Variants in ESR2 observed in about 807,000 individuals in gnomAD.
The protein encoded by ESR2 is estrogen receptor 2.
In ESR2, 36 loss-of-function variants were observed where a neutral mutation model predicts 49.6. The ratio of observed to expected loss-of-function variants is 0.73; its 90% CI spans 0.56 to 0.96. The LOEUF is 0.96. Among genes scored for constraint, ESR2 ranks in the 40% least tolerant of loss-of-function variants. The probability of loss-of-function intolerance (pLI) is 0.00; values close to 1 mark genes in which losing one functional copy is unlikely to be tolerated. For synonymous variants in ESR2, 320 were observed against 266.1 expected (o/e 1.20, Z -1.97); for missense variants, 714 against 693.0 (o/e 1.03, Z -0.34).
downstream of ESR2, chr14:64,227,943 A>G (rs2098723303): frequency 6.3e-7 from 1 of 1,593,818 alleles, no homozygotes. Flanking sequence ...TAAAGGATAT[A>G]ATTCTAATCA....
In ESR2 at chr14:64,231,849, A is replaced by G. The variant is rs1384719212; in HGVS notation, c.*1288T>C. 1.3e-5 allele frequency: 2 copies of G among 152,222 alleles called. No individual in the cohort carries two copies. Among genetic ancestry groups the G allele is most frequent in the Non-Finnish European group, 2.9e-5 (2 of 68,044 alleles). The allele number at this position is 152,222 out of a possible 1,614,324, so 9.4% of individuals were successfully genotyped here. A position where few individuals can be genotyped will look rare whatever the true frequency, so the allele number is the denominator to read the frequency against. On this transcript the variant is annotated 3_prime_UTR_variant, in exon 9 of 9. Coordinates refer to ENST00000341099, the MANE Select transcript of ESR2 (RefSeq NM_001437.3). ...TTTCACATCTTTTAAAAGGTGAGTT[A>G]AAGTTGTCATTTCAGAGGTGCCCTT...
chr14:64,304,688 G>C (rs577279203), intron 1 of ESR2, among the ~76,000 whole-genome samples: 19 of 152,076 alleles, frequency 1.2e-4, no homozygotes, highest in Non-Finnish European at 2.6e-4. Context: ...GGGCAACATA[G>C]TGAGACCATG....
intron 1 of ESR2, among the ~76,000 whole-genome samples, chr14:64,324,490 C>A (rs1304579845): frequency 6.6e-6 from 1 of 152,094 alleles, no homozygotes; most frequent in Non-Finnish European, 1.5e-5. Context: ...AAAATAACAT[C>A]TATAATTCAG....
intron 1 of ESR2, among the ~76,000 whole-genome samples, chr14:64,323,399 A>C (rs113873288): frequency 0.012 from 1,766 of 151,906 alleles, 38 homozygotes; most frequent in African/African-American, 0.04. Context: ...GTAGAGACAG[A>C]GCTTCACCAT....
At chr14:64,227,750 T>A (rs1198792055), downstream of ESR2, 5 of 1,546,028 alleles carry the variant, frequency 3.2e-6, no homozygotes, top group African/African-American at 6.8e-5. Flanking sequence ...GCTCCCCATC[T>A]CCAGGGAGGC....
At chr14:64,304,934 C>T (rs2077070396) in intron 1 of ESR2, among the ~76,000 whole-genome samples, 1 of 151,984 alleles carries the variant, frequency 6.6e-6, no homozygotes, top group Admixed American at 6.6e-5. Context: ...AAAGTTAAAA[C>T]TGGTTTTAAA....
At chr14:64,265,212 C>T (rs1009437085) in intron 4 of ESR2, among the ~76,000 whole-genome samples, 2 of 152,152 alleles carry the variant, frequency 1.3e-5, no homozygotes, top group Non-Finnish European at 2.9e-5. Flanking sequence ...TGAGCAGCTC[C>T]ACCAAATCGA....
intron 4 of ESR2, among the ~76,000 whole-genome samples, chr14:64,264,500 A>G (rs535597504): frequency 1.0e-3 from 156 of 152,296 alleles, no homozygotes; most frequent in African/African-American, 3.3e-3. Context: ...TCTGGGATAC[A>G]TGTGCAGAAC....
intron 1 of ESR2, chr14:64,303,651 T>C (rs2140870561): frequency 6.6e-6 from 1 of 152,348 alleles, no homozygotes; most frequent in South Asian, 2.1e-4. Context: ...AACAGGTTGA[T>C]GTCTCCCTCT....
intron 3 of ESR2, among the ~76,000 whole-genome samples, chr14:64,271,394 C>A (rs967626600): frequency 2.6e-5 from 4 of 152,174 alleles, no homozygotes; most frequent in Non-Finnish European, 4.4e-5. Flanking sequence ...GGCATGATCT[C>A]GACTCACTGC....
intron 1 of ESR2, among the ~76,000 whole-genome samples, chr14:64,288,855 G>A (rs1474600430): frequency 2.6e-5 from 4 of 150,980 alleles, no homozygotes; most frequent in Admixed American, 6.6e-5. Context: ...GTGTGGCAGC[G>A]CTTGCCTGTA....
At chr14:64,311,741 A>C (rs1323752129) in intron 1 of ESR2, among the ~76,000 whole-genome samples, 7 of 151,912 alleles carry the variant, frequency 4.6e-5, no homozygotes, top group Non-Finnish European at 1.0e-4. Flanking sequence ...TGAGCTCAAG[A>C]GTTCAAGGCT....
In ESR2 at chr14:64,321,968, C is replaced by G. The variant is rs564248684; in HGVS notation, c.-91+15930G>C. Among the ~76,000 whole-genome samples, 265 of 152,244 alleles carry G rather than the reference C, an allele frequency of 1.7e-3. 3 individuals are homozygous for G. Among genetic ancestry groups the G allele is most frequent in the African/African-American group, 6.2e-3 (257 of 41,550 alleles). ...ACCTATTGGGTACTAAGCTCATTAC[C>G]TGGTGACGTAACCCAAACCTCAGCA... On this transcript the variant is annotated intron_variant, in intron 1 of 8. Coordinates refer to the ESR2 transcript ENST00000358599.
chr14:64,239,196 G>A (rs922797477), intron 7 of ESR2, among the ~76,000 whole-genome samples: 1 of 152,128 alleles, frequency 6.6e-6, no homozygotes, highest in Non-Finnish European at 1.5e-5. Flanking sequence ...GACTCAAAAG[G>A]TGCCATGGTG....
chr14:64,331,411 G>GAC (rs951985792), intron 1 of ESR2, among the ~76,000 whole-genome samples: 13 of 152,302 alleles, frequency 8.5e-5, no homozygotes, highest in Non-Finnish European at 1.8e-4. Flanking sequence ...TGGATATTTT[G>GAC]ACACACTTTT....
intron 1 of ESR2, among the ~76,000 whole-genome samples, chr14:64,302,902 G>A (rs929880329): frequency 6.6e-6 from 1 of 151,952 alleles, no homozygotes; most frequent in African/African-American, 2.4e-5. Flanking sequence ...GGGTTCAAGC[G>A]ATTCTCCTGC....
chr14:64,314,877 C>CAAAAAAAAA (rs1179436563), intron 1 of ESR2, among the ~76,000 whole-genome samples: 1 of 20,486 alleles, frequency 4.9e-5, no homozygotes, highest in Non-Finnish European at 1.1e-4. Flanking sequence ...GACTCCGTCT[C>CAAAAAAAAA]AAAAAAAAAA....
chr14:64,280,345 G>A (rs916924554), intron 2 of ESR2, among the ~76,000 whole-genome samples, 192 bp from the exon 3 acceptor site: 1 of 152,340 alleles, frequency 6.6e-6, no homozygotes, highest in East Asian at 1.9e-4. Context: ...GAGCCACGCT[G>A]TGGGGAATGA....
chr14:64,276,111 C>CT (rs964875898), intron 3 of ESR2, among the ~76,000 whole-genome samples: 1 of 151,950 alleles, frequency 6.6e-6, no homozygotes, highest in Non-Finnish European at 1.5e-5. Context: ...TATGAAAGGA[C>CT]TTTTTTTAGG....
Sources: allele counts gnomAD v4.1 joint callset (sites outside exome capture counted in the v4.1 genomes callset), GRCh38; gene constraint gnomAD v4.1.1; transcripts MANE v1.5; gene names NCBI Gene and HGNC (gene_info 2026-07-23, HGNC 2026-07-21).